WNK1: variants seen among roughly 807,000 people sequenced by gnomAD.
The protein encoded by WNK1 is WNK lysine deficient protein kinase 1.
WNK1 carries 38 observed loss-of-function variants against 222.8 expected under a neutral mutation model. The observed-to-expected ratio is 0.17, with a 90% CI of 0.13 to 0.22. The LOEUF is 0.22. WNK1 is among the 10% of genes least tolerant of loss of function. The pLI, the probability that WNK1 is intolerant of heterozygous loss-of-function variation, is 1.00. For missense variants in WNK1, 2,348 were observed against 2,918.4 expected (o/e 0.80, Z 4.50); for synonymous variants, 1,090 against 1,092.9 (o/e 1.00, Z 0.05).
At chr12:835,727 G>T (rs556144107) in intron 4 of WNK1, among the ~76,000 whole-genome samples, 178 of 152,200 alleles carry the variant, frequency 1.2e-3, no homozygotes, top group African/African-American at 4.2e-3. Flanking sequence ...CCAAGACTGG[G>T]GGATCACTTG....
intron 19 of WNK1, 41 bp from the exon 20 acceptor site, chr12:887,180 T>G: frequency 6.3e-7 from 1 of 1,574,842 alleles, no homozygotes; most frequent in Non-Finnish European, 8.7e-7. Flanking sequence ...GTCTTTATAT[T>G]TAGCGTCTCA....
At chr12:755,843 C>G (rs1939934835) in intron 1 of WNK1, among the ~76,000 whole-genome samples, 1 of 152,160 alleles carries the variant, frequency 6.6e-6, no homozygotes, top group Non-Finnish European at 1.5e-5. Context: ...GGTATGGTGG[C>G]GCGCGCCTGT....
At chr12:771,155 G>A (rs1014015946) in intron 1 of WNK1, among the ~76,000 whole-genome samples, 19 of 151,922 alleles carry the variant, frequency 1.3e-4, no homozygotes, top group Non-Finnish European at 2.4e-4. Flanking sequence ...ATGCCACCAC[G>A]CCCGGCTAAT....
At chr12:807,222 G>A (rs1405027869) in intron 1 of WNK1, among the ~76,000 whole-genome samples, 2 of 151,952 alleles carry the variant, frequency 1.3e-5, no homozygotes, top group South Asian at 2.1e-4. Flanking sequence ...ACTTTGGGAG[G>A]CCAAGGCAGA....
intron 1 of WNK1, among the ~76,000 whole-genome samples, chr12:784,565 TA>T (rs1344982980): frequency 6.6e-6 from 1 of 152,218 alleles, no homozygotes; most frequent in African/African-American, 2.4e-5. Context: ...TGTACATATT[TA>T]AAAGGTACAA....
rs1294806510 is a variant in WNK1 at position 761,983 on chromosome 12, C to G, written c.759+7659C>G. 1.4e-5 allele frequency among the ~76,000 whole-genome samples: 2 copies of G among 147,060 alleles called. 1 individual carries two copies. The highest frequency in any genetic ancestry group is 3.0e-5 in the Non-Finnish European group (2 of 65,894). ...CAGGGTACCAAAATTCACAAATGCA[C>G]AAGTCTCTTAAATAAAATGGTGTAT... On this transcript the variant is annotated intron_variant, in intron 1 of 27. Transcript: ENST00000315939.
At chr12:900,106 C>T (rs1955125132) in intron 25 of WNK1, among the ~76,000 whole-genome samples, 1 of 150,828 alleles carries the variant, frequency 6.6e-6, no homozygotes, top group Non-Finnish European at 1.5e-5. Flanking sequence ...CTTCCTCAGC[C>T]TCCTGAGTAG....
At chr12:902,736 T>C (rs1463956729) in intron 26 of WNK1, among the ~76,000 whole-genome samples, 1 of 152,194 alleles carries the variant, frequency 6.6e-6, no homozygotes, top group Non-Finnish European at 1.5e-5. Context: ...CAAATCAAGC[T>C]AAGATCATGT....
chr12:890,502 C>T lies in WNK1; in HGVS notation c.5498C>T (p.Pro1833Leu). The T allele has an allele frequency of 6.2e-7, 1 of 1,614,116 alleles. No individual in the cohort carries two copies. The highest frequency in any genetic ancestry group is 8.5e-7 in the Non-Finnish European group (1 of 1,179,990). Residue 1833 changes from proline (P) to leucine (L), a missense_variant, in exon 22 of 28, where the codon CCT (proline) becomes CTT (leucine). This residue lies in a region of WNK1 where 1,144 missense variants were observed against 1,273.6 expected (regional missense o/e 0.90). Coordinates refer to ENST00000315939, the MANE Select transcript of WNK1 (RefSeq NM_018979.4). ...PTAITEAGTQ[P>L]QKGVSQVKEG... ...GCAATCACAGAAGCAGGAACACAGC[C>T]TCAGAAGGGTGGTGAGAAACATCCT... is the stretch of plus-strand genomic sequence containing the variant.
At chr12:860,862 G>A (rs1951158442) in intron 6 of WNK1, 151 bp from the exon 7 acceptor site, 3 of 762,172 alleles carry the variant, frequency 3.9e-6, no homozygotes, top group Non-Finnish European at 6.5e-6. Context: ...AGATTTTACA[G>A]TTCGGTTAAG....
chr12:773,102 T>C (rs1027320063), intron 1 of WNK1, among the ~76,000 whole-genome samples: 6 of 151,978 alleles, frequency 3.9e-5, no homozygotes, highest in Non-Finnish European at 7.4e-5. Context: ...CTACTAAAAA[T>C]ACAAAATTAG....
intron 22 of WNK1, among the ~76,000 whole-genome samples, chr12:893,927 A>G (rs912696399): frequency 1.3e-5 from 2 of 151,886 alleles, no homozygotes; most frequent in African/African-American, 2.4e-5. Context: ...TCATTTAACA[A>G]TGGATCTTGG....
intron 3 of WNK1, 67 bp from the exon 4 acceptor site, chr12:829,936 C>G (rs1170039562): frequency 1.9e-6 from 3 of 1,579,414 alleles, no homozygotes; most frequent in Non-Finnish European, 2.6e-6. Flanking sequence ...CCCTCTGCTT[C>G]TCACCCCGGT....
chr12:770,325 A>G (rs570610941), intron 1 of WNK1, among the ~76,000 whole-genome samples: 12 of 152,298 alleles, frequency 7.9e-5, no homozygotes, highest in Non-Finnish European at 1.3e-4. Flanking sequence ...CATTTAGACC[A>G]TAGCAGTTAG....
At chr12:776,651 T>C (rs1943137043) in intron 1 of WNK1, among the ~76,000 whole-genome samples, 1 of 151,490 alleles carries the variant, frequency 6.6e-6, no homozygotes, top group Non-Finnish European at 1.5e-5. Context: ...AGGATGGTCT[T>C]GCTCTCTTGA....
chr12:882,935 C>G lies in WNK1; in HGVS notation c.3373-8C>G, dbSNP rs1290137758. 6.4e-7 allele frequency: 1 copy of G among 1,553,872 alleles called. No homozygotes were observed. The highest frequency in any genetic ancestry group is 8.9e-7 in the Non-Finnish European group (1 of 1,125,810). On this transcript the variant is annotated splice_polypyrimidine_tract_variant and splice_region_variant and intron_variant, in intron 14 of 27. Transcript: ENST00000315939. ...TCTTTGGAGATGATGTACCTTTTTT[C>G]TTTTTAGGTTTCAAATAAAGGAGAC...
intron 7 of WNK1, 100 bp from the exon 8 acceptor site, chr12:861,983 A>G: frequency 7.7e-7 from 1 of 1,298,508 alleles, no homozygotes; most frequent in South Asian, 1.2e-5. Context: ...ATAACTAGTT[A>G]CCCCTAATAT....
rs1440972534 is a variant in WNK1 at position 896,569 on chromosome 12, G to T, written c.6082G>T (p.Gly2028Cys). 1 of 1,612,472 alleles carries T rather than the reference G, an allele frequency of 6.2e-7. No individual in the cohort carries two copies. The highest frequency in any genetic ancestry group is 8.5e-7 in the Non-Finnish European group (1 of 1,179,562). The change falls in exon 24 of 28, where the codon GGT (glycine) becomes TGT (cysteine). Residue 2028 changes from glycine to cysteine, a missense_variant. Coordinates refer to ENST00000315939, the MANE Select transcript of WNK1 (RefSeq NM_018979.4). ...AAGTAGGGATGTGGATGATGGTTCC[G>T]GTAGTCCACACTCGCCCCATCAGCT... is the stretch of plus-strand genomic sequence containing the variant. ...FLSRDVDDGS[G>C]SPHSPHQLSS...
At position 815,941 on chromosome 12, in the gene WNK1, C is replaced by T. The variant is rs564248830; in HGVS notation, c.932+2127C>T. Among the ~76,000 whole-genome samples the T allele has an allele frequency of 6.6e-5, 10 of 152,286 alleles. No individual in the cohort carries two copies. In the South Asian group the frequency reaches 1.2e-3, roughly 19 times the overall value. On this transcript the variant is annotated intron_variant, in intron 2 of 27. Coordinates refer to ENST00000315939, the MANE Select transcript of WNK1 (RefSeq NM_018979.4). ...GCTTTAAGGAAAGAAAGGTTAACCT[C>T]CAGATAATAAGCAGAGATAACTCAA... is the stretch of plus-strand genomic sequence containing the variant.
Sources: allele counts gnomAD v4.1 joint callset (sites outside exome capture counted in the v4.1 genomes callset), GRCh38; gene constraint gnomAD v4.1.1; regional missense constraint gnomAD v4.1.1; transcripts MANE v1.5; gene names NCBI Gene and HGNC (gene_info 2026-07-23, HGNC 2026-07-21).